The following GPR107 variants were observed in gnomAD, a reference collection of about 807,000 sequenced individuals.
GPR107 encodes protein GPR107.
In GPR107, 31 loss-of-function variants were observed where a neutral mutation model predicts 75.5. The ratio of observed to expected loss-of-function variants is 0.41; its 90% CI spans 0.31 to 0.55. GPR107 has a LOEUF of 0.55. Ranked by LOEUF, GPR107 falls within the 20% of genes least tolerant of loss-of-function variation. The probability of loss-of-function intolerance (pLI) is 0.26; values close to 1 mark genes in which losing one functional copy is unlikely to be tolerated. For synonymous variants in GPR107, 267 were observed against 251.3 expected, an observed-to-expected ratio of 1.06 and a Z score of -0.59; for missense variants, 572 against 665.7, an observed-to-expected ratio of 0.86 and a Z score of 1.55.
At chr9:130,107,258 C>G (rs1003417901) in intron 13 of GPR107, among the ~76,000 whole-genome samples, 3 of 152,152 alleles carry the variant, frequency 2.0e-5, no homozygotes, top group Non-Finnish European at 2.9e-5. Flanking sequence ...TCCTCACGCT[C>G]TGGTCCCTGC....
chr9:130,083,290 C>G (rs1346514996), intron 5 of GPR107: 4 of 258,662 alleles, frequency 1.5e-5, no homozygotes, highest in African/African-American at 2.2e-5. Flanking sequence ...TGTGGCCTCT[C>G]TGGCAATAAC....
intron 9 of GPR107, among the ~76,000 whole-genome samples, chr9:130,094,003 C>T (rs138939650): frequency 0.011 from 1,609 of 151,996 alleles, 29 homozygotes; most frequent in African/African-American, 0.037. Flanking sequence ...TTAGTAGAGA[C>T]GGGCTTTCAC....
intron 12 of GPR107, among the ~76,000 whole-genome samples, chr9:130,101,697 G>A (rs1831034889): frequency 6.6e-6 from 1 of 152,238 alleles, no homozygotes; most frequent in Non-Finnish European, 1.5e-5. Flanking sequence ...CGAGGGCCAA[G>A]GCCAGCCTTA....
chr9:130,134,373 C>T (rs1427537099), intron 17 of GPR107, among the ~76,000 whole-genome samples: 8 of 152,230 alleles, frequency 5.3e-5, no homozygotes, highest in East Asian at 1.9e-4. Flanking sequence ...TTGATTTCAA[C>T]GAATGGCTCC....
At chr9:130,076,808 G>T (rs1830360149) in intron 3 of GPR107, among the ~76,000 whole-genome samples, 1 of 151,170 alleles carries the variant, frequency 6.6e-6, no homozygotes, top group Non-Finnish European at 1.5e-5. Context: ...CACCACGCCT[G>T]GCCACAGCGC....
chr9:130,053,971 C>T lies in GPR107; in HGVS notation c.39C>T (p.Arg13=), dbSNP rs764166265. 2.6e-6 allele frequency: 4 copies of T among 1,554,302 alleles called. 1 individual carries two copies. Among genetic ancestry groups the T allele is most frequent in the South Asian group, 2.4e-5 (2 of 84,534 alleles). Residue 13 remains arginine, a synonymous_variant, in exon 1 of 18, where the codon CGC becomes CGT. Coordinates refer to ENST00000347136, the MANE Select transcript of GPR107 (RefSeq NM_020960.5). ...CGCCCGTCGGCTCCCCCGCCTCCCG[C>T]GGTCCTAGGCTGGCCGCGGGCCTCC... The part of the protein sequence containing the change: ...ALAPVGSPAS[R]GPRLAAGLRL...
chr9:130,070,932 TG>T (rs2132552144), intron 1 of GPR107, among the ~76,000 whole-genome samples: 1 of 151,782 alleles, frequency 6.6e-6, no homozygotes, highest in South Asian at 2.1e-4. Flanking sequence ...TTGCCCAGGC[TG>T]GTCTTGAACT....
chr9:130,130,668 G>A (rs1157509376), intron 17 of GPR107, among the ~76,000 whole-genome samples: 1 of 152,030 alleles, frequency 6.6e-6, no homozygotes, highest in African/African-American at 2.4e-5. Flanking sequence ...TCAGGAGTTC[G>A]AGACCAGCCT....
Position 130,101,242 on chromosome 9 carries a change from C to A in GPR107, c.1131+19C>A. 2 of 1,257,736 alleles carry A rather than the reference C, an allele frequency of 1.6e-6. No homozygotes were observed. The highest frequency in any genetic ancestry group is 1.2e-5 in the South Asian group (1 of 83,862). 77.9% of individuals were successfully genotyped at this position (1,257,736 alleles called of 1,614,324 possible). On this transcript the variant is annotated intron_variant, in intron 12 of 17. Transcript: ENST00000347136. ...ACTCCAGGTAAAAGAACCCTCATCC[C>A]ATTTGTCACTTCCTTTCTTGGCGCT...
At chr9:130,115,802 G>A (rs1831415743) in intron 14 of GPR107, among the ~76,000 whole-genome samples, 1 of 151,550 alleles carries the variant, frequency 6.6e-6, no homozygotes, top group African/African-American at 2.4e-5. Context: ...AGCCGTGATG[G>A]TGCACATCTG....
intron 9 of GPR107, among the ~76,000 whole-genome samples, chr9:130,098,605 A>G (rs551131692): frequency 2.0e-5 from 3 of 152,274 alleles, no homozygotes; most frequent in Middle Eastern, 6.8e-3. Flanking sequence ...GGAATCCATC[A>G]TGTCTAGCTT....
At position 130,075,036 on chromosome 9, in the gene GPR107, C is replaced by T. The variant is rs1180454079; in HGVS notation, c.142-600C>T. ...CAACCACTGAGTTTGCCCCTAGAAC[C>T]CATACCAATGCATTGGAGTGAATTT... On this transcript the variant is annotated intron_variant, in intron 1 of 17. Transcript: ENST00000347136. 2.0e-5 allele frequency among the ~76,000 whole-genome samples: 3 copies of T among 151,700 alleles called. No individual in the cohort carries two copies. In the Admixed American group the frequency reaches 2.0e-4, roughly 10 times the overall value.
Position 130,079,777 on chromosome 9 carries a change from G to C in GPR107, c.526+8G>C. On this transcript the variant is annotated splice_region_variant and intron_variant, in intron 5 of 17. Coordinates refer to ENST00000347136, the MANE Select transcript of GPR107 (RefSeq NM_020960.5). ...AGACCCAGAAGACACAAGGTAAACC[G>C]TAAGGTGGAAACTGGCTTTCAGTTT... is the stretch of plus-strand genomic sequence containing the variant. 6.3e-7 allele frequency: 1 copy of C among 1,582,592 alleles called. No individual in the cohort carries two copies. The highest frequency in any genetic ancestry group is 8.6e-7 in the Non-Finnish European group (1 of 1,164,644).
chr9:130,067,893 C>T (rs559554264), intron 1 of GPR107, among the ~76,000 whole-genome samples: 34 of 151,512 alleles, frequency 2.2e-4, no homozygotes, highest in African/African-American at 6.5e-4. Context: ...TACAAGCGGG[C>T]GCCACCACGC....
At chr9:130,084,650 C>T in intron 6 of GPR107, among the ~76,000 whole-genome samples, 1 of 151,880 alleles carries the variant, frequency 6.6e-6, no homozygotes, top group East Asian at 1.9e-4. Flanking sequence ...GTGGTATGCG[C>T]CTGTGGTCGC....
Position 130,139,331 on chromosome 9 carries a change from T to C in GPR107, c.*4210T>C, listed in dbSNP as rs1564691756. ...CCTAGGGTGTTTCTGGCAGGGCGTT[T>C]TTAAAAGGCATCTACCTGAGTTGAC... On this transcript the variant is annotated 3_prime_UTR_variant, in exon 18 of 18. Coordinates refer to ENST00000347136, the MANE Select transcript of GPR107 (RefSeq NM_020960.5). 6.6e-6 allele frequency: 1 copy of C among 152,202 alleles called. No homozygotes were observed. The highest frequency in any genetic ancestry group is 1.5e-5 in the Non-Finnish European group (1 of 68,042). The allele number at this position is 152,202 out of a possible 1,614,324, so 9.4% of individuals were successfully genotyped here. A position where few individuals can be genotyped will look rare whatever the true frequency, so the allele number is the denominator to read the frequency against.
intron 12 of GPR107, among the ~76,000 whole-genome samples, chr9:130,102,981 G>A (rs1589514400): frequency 1.3e-5 from 2 of 151,198 alleles, no homozygotes; most frequent in South Asian, 2.1e-4. Flanking sequence ...ATTAGAGGCC[G>A]TGTCTCACTA....
chr9:130,111,307 A>G (rs1313877316), intron 14 of GPR107, among the ~76,000 whole-genome samples: 5 of 152,054 alleles, frequency 3.3e-5, no homozygotes, highest in Non-Finnish European at 5.9e-5. Context: ...CATCTCTACC[A>G]AAACCACACA....
At position 130,079,615 on chromosome 9, in the gene GPR107, C is replaced by G. The variant is rs374633031; in HGVS notation, c.387-15C>G. ...CTGCTTTGACCTTTTTTCCTTCTGT[C>G]TTATTTGAATGTAGGGTAAGAGTAA... On this transcript the variant is annotated splice_polypyrimidine_tract_variant and intron_variant, in intron 4 of 17. Coordinates refer to ENST00000347136, the MANE Select transcript of GPR107 (RefSeq NM_020960.5). 26 of 1,610,748 alleles carry G rather than the reference C, an allele frequency of 1.6e-5. 1 individual carries two copies. In the East Asian group the frequency reaches 3.1e-4, roughly 19 times the overall value.
Sources: allele counts gnomAD v4.1 joint callset (sites outside exome capture counted in the v4.1 genomes callset), GRCh38; gene constraint gnomAD v4.1.1; transcripts MANE v1.5; gene names NCBI Gene and HGNC (gene_info 2026-07-23, HGNC 2026-07-21).